Variants in FCHSD2 observed in about 807,000 individuals in gnomAD.
FCHSD2 encodes the protein F-BAR and double SH3 domains protein 2.
Under a neutral mutation model 108.1 loss-of-function variants are expected in FCHSD2, and 38 were observed. The observed-to-expected ratio is 0.35, with a 90% CI of 0.27 to 0.46. The LOEUF (loss-of-function observed/expected upper bound fraction) is 0.46, where lower values mean the gene tolerates loss of function less well. FCHSD2 is among the 20% of genes least tolerant of loss of function. The pLI is 1.00. For synonymous variants in FCHSD2, 279 were observed against 314.7 expected (o/e 0.89, Z 1.20); for missense variants, 751 against 897.8 (o/e 0.84, Z 2.09).
intron 8 of FCHSD2, among the ~76,000 whole-genome samples, chr11:72,961,405 T>TTTG (rs145240576): frequency 0.012 from 1,765 of 151,116 alleles, 18 homozygotes; most frequent in South Asian, 0.018. Flanking sequence ...TAAGAAGTTT[T>TTTG]TTGTTGTTGT....
chr11:73,036,383 A>G (rs535912198), intron 3 of FCHSD2, among the ~76,000 whole-genome samples: 33 of 152,242 alleles, frequency 2.2e-4, no homozygotes, highest in African/African-American at 7.9e-4. Context: ...ACAACGTTAT[A>G]TCGGTCTTTG....
chr11:72,978,758 C>T (rs1374392760), intron 8 of FCHSD2, among the ~76,000 whole-genome samples: 1 of 151,996 alleles, frequency 6.6e-6, no homozygotes, highest in Non-Finnish European at 1.5e-5. Context: ...TGCCTTCTAC[C>T]ATGATTGTAA....
intron 8 of FCHSD2, among the ~76,000 whole-genome samples, chr11:72,943,793 T>G (rs182528664): frequency 6.6e-6 from 1 of 152,354 alleles, no homozygotes; most frequent in African/African-American, 2.4e-5. Context: ...TTTTATTAGT[T>G]CATTAACTAC....
chr11:73,025,296 T>C (rs1156427391), intron 3 of FCHSD2, among the ~76,000 whole-genome samples: 1 of 151,918 alleles, frequency 6.6e-6, no homozygotes, highest in Non-Finnish European at 1.5e-5. Flanking sequence ...TACCATGGAG[T>C]ACTATGCAGC....
chr11:72,914,495 A>T (rs1855830675), intron 9 of FCHSD2, among the ~76,000 whole-genome samples: 1 of 152,182 alleles, frequency 6.6e-6, no homozygotes, highest in Non-Finnish European at 1.5e-5. Context: ...AAACTATACC[A>T]CAGGGCCACA....
chr11:73,038,739 G>A (rs1001177886), intron 3 of FCHSD2, among the ~76,000 whole-genome samples: 1 of 151,992 alleles, frequency 6.6e-6, no homozygotes, highest in African/African-American at 2.4e-5. Context: ...AAATAATTAG[G>A]CATGCTCACT....
At chr11:73,096,693 T>C (rs1860085830) in intron 2 of FCHSD2, among the ~76,000 whole-genome samples, 1 of 152,096 alleles carries the variant, frequency 6.6e-6, no homozygotes, top group African/African-American at 2.4e-5. Flanking sequence ...GTGTTCAGTC[T>C]TTCACCACTG....
chr11:72,958,464 G>A (rs1173536944), intron 8 of FCHSD2, among the ~76,000 whole-genome samples: 1 of 152,210 alleles, frequency 6.6e-6, no homozygotes, highest in Non-Finnish European at 1.5e-5. Flanking sequence ...GCTGCAGAGA[G>A]CTGAGATCGC....
At chr11:73,030,842 C>G (rs1297782731) in intron 3 of FCHSD2, among the ~76,000 whole-genome samples, 2 of 152,078 alleles carry the variant, frequency 1.3e-5, no homozygotes, top group Admixed American at 6.5e-5. Flanking sequence ...CACCTAAAGC[C>G]TACTCTTTCA....
At chr11:72,906,051 A>C (rs1202003913) in intron 9 of FCHSD2, among the ~76,000 whole-genome samples, 3 of 152,204 alleles carry the variant, frequency 2.0e-5, no homozygotes, top group Admixed American at 1.3e-4. Context: ...TTACACTCCC[A>C]CCAACAGTGT....
At chr11:72,975,949 C>G (rs1857096491) in intron 8 of FCHSD2, among the ~76,000 whole-genome samples, 2 of 152,122 alleles carry the variant, frequency 1.3e-5, no homozygotes, top group African/African-American at 2.4e-5. Flanking sequence ...ATCCAAACCA[C>G]AAAGAAAATA....
At chr11:72,938,004 G>A (rs1411336573) in intron 8 of FCHSD2, among the ~76,000 whole-genome samples, 1 of 152,186 alleles carries the variant, frequency 6.6e-6, no homozygotes, top group Admixed American at 6.5e-5. Context: ...GCTGGCTGGA[G>A]TCTCTAAGGA....
Position 72,867,878 on chromosome 11 carries a change from C to T in FCHSD2, c.1295G>A (p.Gly432Asp), listed in dbSNP as rs1450791981. The T allele has an allele frequency of 2.5e-6, 4 of 1,612,152 alleles. No individual in the cohort carries two copies. Among genetic ancestry groups the T allele is most frequent in the East Asian group, 4.5e-5 (2 of 44,860 alleles). Residue 432 changes from glycine (G) to aspartate (D), a missense_variant, in exon 13 of 20, where the codon GGC becomes GAC. By Grantham distance (94) the Gly-to-Asp change is moderately conservative (BLOSUM62 -1). Transcript: ENST00000409418. ...WARPPAVTSN[G>D]TLHSLNADTE... ...AAGAAATCGTACCGAGTGTAAAGTG[C>T]CATTACTGGTCACTGCAGGAGGGCG... is the stretch of plus-strand genomic sequence containing the variant.
At chr11:73,043,347 G>A (rs1858686980) in intron 3 of FCHSD2, among the ~76,000 whole-genome samples, 1 of 152,132 alleles carries the variant, frequency 6.6e-6, no homozygotes, top group Non-Finnish European at 1.5e-5. Flanking sequence ...GTTTCCATAA[G>A]CAAGTATTTA....
chr11:72,945,275 C>T (rs1441872923), intron 8 of FCHSD2, among the ~76,000 whole-genome samples: 2 of 152,076 alleles, frequency 1.3e-5, no homozygotes, highest in Non-Finnish European at 2.9e-5. Context: ...CTTTGACAAA[C>T]CTGACAAAAA....
At position 72,887,768 on chromosome 11, in the gene FCHSD2, G is replaced by C. The variant is rs909031834; in HGVS notation, c.1042-194C>G. 2.0e-4 allele frequency among the ~76,000 whole-genome samples: 31 copies of C among 152,268 alleles called. 1 individual carries two copies. Among genetic ancestry groups the C allele is most frequent in the African/African-American group, 5.3e-4 (22 of 41,552 alleles). On this transcript the variant is annotated intron_variant, in intron 11 of 19. Coordinates refer to ENST00000409418, the MANE Select transcript of FCHSD2 (RefSeq NM_014824.3). The stretch of plus-strand genomic sequence containing the variant: ...AAACTTACTACAGACAGTCCCTTCA[G>C]TGGGGAAGCCAGGACCAGCCACTAT...
intron 8 of FCHSD2, among the ~76,000 whole-genome samples, chr11:72,961,409 TTGTTGTTG>T (rs768866845): frequency 4.0e-4 from 35 of 87,282 alleles, no homozygotes; most frequent in Non-Finnish European, 8.6e-4. Flanking sequence ...AAGTTTTTTG[TTGTTGTTG>T]TTGTTGTTGT....
chr11:73,111,409 T>C (rs550513157), intron 2 of FCHSD2, among the ~76,000 whole-genome samples: 1 of 152,148 alleles, frequency 6.6e-6, no homozygotes, highest in Admixed American at 6.6e-5. Context: ...GATATATGCA[T>C]AGCTACTCCT....
chr11:73,028,935 C>A (rs1157499318), intron 3 of FCHSD2, among the ~76,000 whole-genome samples: 1 of 152,162 alleles, frequency 6.6e-6, no homozygotes, highest in Non-Finnish European at 1.5e-5. Flanking sequence ...CCACGTGAAA[C>A]TGTGAGTCCA....
Sources: gnomAD v4.1 joint callset for allele counts (sites outside exome capture counted in the v4.1 genomes callset) on GRCh38, gnomAD v4.1.1 for gene constraint, MANE v1.5 for transcripts, NCBI Gene and HGNC (gene_info 2026-07-23, HGNC 2026-07-21) for gene names.